Variants in STRBP observed in about 807,000 individuals in gnomAD.
STRBP encodes the protein spermatid perinuclear RNA binding protein, also known as spermatid perinuclear RNA-binding protein.
STRBP carries 13 observed loss-of-function variants against 80.1 expected under a neutral mutation model. The ratio of observed to expected loss-of-function variants is 0.16; its 90% CI spans 0.11 to 0.26. The LOEUF (loss-of-function observed/expected upper bound fraction) is 0.26. Ranked by LOEUF, STRBP falls within the 10% of genes least tolerant of loss-of-function variation. STRBP has a pLI of 1.00. For missense variants in STRBP, 485 were observed against 815.2 expected (o/e 0.59, Z 4.93); for synonymous variants, 284 against 291.2 (o/e 0.98, Z 0.25).
Position 123,162,871 on chromosome 9 carries a change from C to T in STRBP, c.536-1803G>A, listed in dbSNP as rs930606371. On this transcript the variant is annotated intron_variant, in intron 6 of 18. Coordinates refer to ENST00000348403, the MANE Select transcript of STRBP (RefSeq NM_018387.5). ...TGTCTTTATAGTGATACAAAATATA[C>T]AAGTAGCTCACTTTAATGTTTCTAT... Among the ~76,000 whole-genome samples the T allele has an allele frequency of 3.9e-5, 6 of 152,276 alleles. No individual in the cohort carries two copies. In the South Asian group the frequency reaches 1.2e-3, roughly 32 times the overall value.
downstream of STRBP, among the ~76,000 whole-genome samples, chr9:123,116,724 G>A (rs190045929): frequency 6.6e-5 from 10 of 152,260 alleles, no homozygotes; most frequent in East Asian, 1.5e-3. Context: ...AAGACAGAAC[G>A]GACATTGGTG....
At chr9:123,223,605 T>C (rs2040142457) in intron 2 of STRBP, among the ~76,000 whole-genome samples, 1 of 152,108 alleles carries the variant, frequency 6.6e-6, no homozygotes, top group Admixed American at 6.5e-5. Flanking sequence ...TGTTCAACAA[T>C]CAGGTAATAT....
intron 2 of STRBP, among the ~76,000 whole-genome samples, chr9:123,212,382 T>G (rs2039742350): frequency 6.6e-6 from 1 of 152,226 alleles, no homozygotes; most frequent in Non-Finnish European, 1.5e-5. Context: ...ATCTCTTGCC[T>G]GAATTTCCAG....
intron 3 of STRBP, chr9:123,114,863 C>T: frequency 3.6e-6 from 1 of 276,918 alleles, no homozygotes; most frequent in Non-Finnish European, 7.5e-6. Flanking sequence ...CCCGTCCCTA[C>T]CCAATCCGGC....
At chr9:123,135,095 C>T (rs2036297296) in intron 16 of STRBP, among the ~76,000 whole-genome samples, 1 of 152,168 alleles carries the variant, frequency 6.6e-6, no homozygotes, top group African/African-American at 2.4e-5. Context: ...GGAGAACTAC[C>T]TGGTTCTAGA....
intron 2 of STRBP, among the ~76,000 whole-genome samples, chr9:123,204,218 A>C (rs1345840955): frequency 3.3e-5 from 5 of 152,242 alleles, no homozygotes; most frequent in African/African-American, 1.2e-4. Flanking sequence ...AAAGCAGTAA[A>C]GAACAGATAA....
chr9:123,159,323 C>T (rs1307254339), intron 8 of STRBP, 116 bp from the exon 9 acceptor site: 1 of 606,686 alleles, frequency 1.6e-6, no homozygotes, highest in Non-Finnish European at 2.7e-6. Flanking sequence ...TTCAATTTAA[C>T]ATTTAGGACC....
intron 2 of STRBP, among the ~76,000 whole-genome samples, chr9:123,189,320 G>GA: frequency 1.0e-5 from 1 of 97,812 alleles, no homozygotes; most frequent in Admixed American, 1.2e-4. Context: ...GGGGTGGGGG[G>GA]AGGGTGGGGA....
chr9:123,166,956 G>A (rs1305611058), intron 6 of STRBP, among the ~76,000 whole-genome samples: 1 of 152,154 alleles, frequency 6.6e-6, no homozygotes, highest in Non-Finnish European at 1.5e-5. Flanking sequence ...ACTTACCTAT[G>A]AAACAGTAAA....
chr9:123,249,058 T>C (rs1163652328), intron 1 of STRBP, among the ~76,000 whole-genome samples: 1 of 152,250 alleles, frequency 6.6e-6, no homozygotes, highest in East Asian at 1.9e-4. Context: ...GCAATCCATT[T>C]CATAGTAATT....
chr9:123,237,593 G>A (rs758521997), intron 1 of STRBP, among the ~76,000 whole-genome samples: 1 of 151,524 alleles, frequency 6.6e-6, no homozygotes, highest in Non-Finnish European at 1.5e-5. Flanking sequence ...CTGTGCATTC[G>A]AGATGATACA....
At chr9:123,194,276 C>T (rs2039020818) in intron 2 of STRBP, among the ~76,000 whole-genome samples, 1 of 152,172 alleles carries the variant, frequency 6.6e-6, no homozygotes, top group Admixed American at 6.5e-5. Flanking sequence ...ATATATTCTT[C>T]CTTCCTGTTA....
At chr9:123,159,021 C>G (rs2037410397) in intron 9 of STRBP, 75 bp downstream of exon 9, 1 of 1,237,076 alleles carries the variant, frequency 8.1e-7, no homozygotes, top group South Asian at 1.2e-5. Flanking sequence ...AGAGAACAAA[C>G]TTAGCATATA....
intron 4 of STRBP, among the ~76,000 whole-genome samples, chr9:123,176,824 A>T (rs2038240101): frequency 1.3e-5 from 2 of 152,366 alleles, no homozygotes; most frequent in East Asian, 3.9e-4. Flanking sequence ...AATGTATTTG[A>T]ATTTACTATA....
intron 1 of STRBP, among the ~76,000 whole-genome samples, chr9:123,253,769 C>A (rs1251934646): frequency 6.6e-6 from 1 of 152,206 alleles, no homozygotes; most frequent in African/African-American, 2.4e-5. Flanking sequence ...GAAGGATACT[C>A]TGTTTCTCAC....
intron 1 of STRBP, among the ~76,000 whole-genome samples, chr9:123,265,973 A>T (rs2041257770): frequency 6.6e-6 from 1 of 152,190 alleles, no homozygotes; most frequent in African/African-American, 2.4e-5. Flanking sequence ...TGGGACTCAG[A>T]TATTACATCA....
chr9:123,159,503 C>CT (rs1412640421), intron 8 of STRBP, among the ~76,000 whole-genome samples: 2 of 152,222 alleles, frequency 1.3e-5, no homozygotes, highest in African/African-American at 4.8e-5. Flanking sequence ...TTAATAAAGA[C>CT]TTAACAAGTC....
At chr9:123,203,747 G>A (rs2039414097) in intron 2 of STRBP, among the ~76,000 whole-genome samples, 1 of 152,174 alleles carries the variant, frequency 6.6e-6, no homozygotes, top group African/African-American at 2.4e-5. Flanking sequence ...TGAGGCAGGT[G>A]CATCACCTGA....
intron 3 of STRBP, chr9:123,113,739 A>G (rs2035603645): frequency 6.0e-6 from 1 of 167,178 alleles, no homozygotes; most frequent in South Asian, 2.1e-4. Context: ...AGGGTAAGTC[A>G]TCTCTATAGT....
Sources: gnomAD v4.1 joint callset for allele counts (sites outside exome capture counted in the v4.1 genomes callset) on GRCh38, gnomAD v4.1.1 for gene constraint, MANE v1.5 for transcripts, NCBI Gene and HGNC (gene_info 2026-07-23, HGNC 2026-07-21) for gene names.